BAMBI: variants seen among roughly 807,000 people sequenced by gnomAD.
BAMBI encodes the protein BMP and activin membrane bound inhibitor.
Under a neutral mutation model 24.1 loss-of-function variants are expected in BAMBI, and 21 were observed. That is an observed-to-expected ratio of 0.87 (90% CI 0.62 to 1.26). The LOEUF is 1.26. Among genes scored for constraint, BAMBI ranks in the 50% most tolerant of loss-of-function variants. The pLI is 0.00. For synonymous variants in BAMBI, 156 were observed against 123.1 expected, an observed-to-expected ratio of 1.27 and a Z score of -1.77; for missense variants, 388 against 329.1, an observed-to-expected ratio of 1.18 and a Z score of -1.38.
Position 28,677,992 on chromosome 10 carries a change from C to T in BAMBI, c.76+19C>T, listed in dbSNP as rs1834455349. 6.6e-6 allele frequency: 10 copies of T among 1,507,638 alleles called. No homozygotes were observed. The highest frequency in any genetic ancestry group is 1.2e-5 in the South Asian group (1 of 80,974). 93.4% of individuals were successfully genotyped at this position (1,507,638 alleles called of 1,614,324 possible). ...ACCAAAGGTGGGTGCCGGGGGCGCA[C>T]GGGGCCCGGGGTCCCGTCCTCGCCG... On this transcript the variant is annotated intron_variant, in intron 1 of 2. Coordinates refer to ENST00000375533, the MANE Select transcript of BAMBI (RefSeq NM_012342.3).
Position 28,677,956 on chromosome 10 carries a change from C to T in BAMBI, c.59C>T (p.Ala20Val), listed in dbSNP as rs747049822. The change falls in exon 1 of 3, where the codon GCC becomes GTC. Residue 20 changes from alanine to valine, a missense_variant. Coordinates refer to ENST00000375533, the MANE Select transcript of BAMBI (RefSeq NM_012342.3). ...CTGCAGCTGGAGCTCTGCGCCATGGCCGTGCTGCTCACCAAAGGTGGGTGC... is the reference window on the plus strand; with the variant it reads ...CTGCAGCTGGAGCTCTGCGCCATGGTCGTGCTGCTCACCAAAGGTGGGTGC... ...IWLQLELCAM[A>V]VLLTKGEIRC... The T allele has an allele frequency of 1.2e-5, 19 of 1,529,888 alleles. No homozygotes were observed. Among genetic ancestry groups the T allele is most frequent in the African/African-American group, 2.8e-5 (2 of 71,628 alleles). The allele number at this position is 1,529,888 out of a possible 1,614,324, so 94.8% of individuals were successfully genotyped here.
At chr10:28,679,575 A>G (rs1411695902) in intron 1 of BAMBI, among the ~76,000 whole-genome samples, 4 of 152,158 alleles carry the variant, frequency 2.6e-5, no homozygotes, top group Non-Finnish European at 5.9e-5. Flanking sequence ...ACCTGTCAAA[A>G]TTTTATTAGG....
chr10:28,679,584 G>C (rs1289328913), intron 1 of BAMBI, among the ~76,000 whole-genome samples: 1 of 151,972 alleles, frequency 6.6e-6, no homozygotes, highest in Non-Finnish European at 1.5e-5. Context: ...AATTTTATTA[G>C]GCTGTTTTTA....
chr10:28,678,063 G>A (rs1473439024), intron 1 of BAMBI, 90 bp downstream of exon 1: 1 of 1,211,568 alleles, frequency 8.3e-7, no homozygotes, highest in African/African-American at 1.6e-5. Flanking sequence ...CGGCAGGCGA[G>A]GCTCCCTCCT....
At chr10:28,680,751 AC>A (rs1834488867) in intron 1 of BAMBI, among the ~76,000 whole-genome samples, 1 of 152,224 alleles carries the variant, frequency 6.6e-6, no homozygotes, top group African/African-American at 2.4e-5. Flanking sequence ...AAACCTCCTG[AC>A]CTGGGCAGTT....
chr10:28,680,339 T>C (rs1237097297), intron 1 of BAMBI, among the ~76,000 whole-genome samples: 1 of 152,186 alleles, frequency 6.6e-6, no homozygotes, highest in South Asian at 2.1e-4. Context: ...CGACAAAATG[T>C]GAACGGAGCC....
chr10:28,680,862 C>T (rs910080657), intron 1 of BAMBI, among the ~76,000 whole-genome samples: 14 of 152,046 alleles, frequency 9.2e-5, no homozygotes, highest in African/African-American at 2.9e-4. Flanking sequence ...TTCAGTAGTT[C>T]CGATCAAATA....
At position 28,682,392 on chromosome 10, in the gene BAMBI, A is replaced by G; in HGVS notation, c.774A>G (p.Glu258=). 1 of 1,609,614 alleles carries G rather than the reference A, an allele frequency of 6.2e-7. No homozygotes were observed. Among genetic ancestry groups the G allele is most frequent in the Non-Finnish European group, 8.5e-7 (1 of 1,176,230 alleles). The change falls in exon 3 of 3, where the codon GAA becomes GAG. Residue 258 remains glutamate (E), a synonymous_variant. Coordinates refer to ENST00000375533, the MANE Select transcript of BAMBI (RefSeq NM_012342.3). ...WGMYSGHGKL[E]FV ...TGTACAGTGGGCACGGGAAGCTGGA[A>G]TTCGTATGACGGAGTCTTATCTGAA...
intron 1 of BAMBI, 53 bp from the exon 2 acceptor site, chr10:28,681,205 T>C: frequency 1.9e-6 from 3 of 1,564,164 alleles, no homozygotes; most frequent in Non-Finnish European, 2.6e-6. Flanking sequence ...CCTAAATAGT[T>C]GCTTTATCTG....
At chr10:28,681,614 A>G in intron 2 of BAMBI, 69 bp downstream of exon 2, 2 of 1,498,652 alleles carry the variant, frequency 1.3e-6, no homozygotes, top group South Asian at 1.2e-5. Flanking sequence ...ACGACTTTGT[A>G]TGTCTGCTAT....
At position 28,681,212 on chromosome 10, in the gene BAMBI, T is replaced by G. The variant is rs1237564730; in HGVS notation, c.77-46T>G. ...AGCAGTTGCCTAAATAGTTGCTTTATCTGGTCTCTGGAGCAGAGTTTGAGG... is the reference window on the plus strand; with the variant it reads ...AGCAGTTGCCTAAATAGTTGCTTTAGCTGGTCTCTGGAGCAGAGTTTGAGG... On this transcript the variant is annotated intron_variant, in intron 1 of 2. Coordinates refer to ENST00000375533, the MANE Select transcript of BAMBI (RefSeq NM_012342.3). 3.8e-6 allele frequency: 6 copies of G among 1,578,660 alleles called. No homozygotes were observed. In the East Asian group the frequency reaches 1.3e-4, roughly 35 times the overall value.
chr10:28,682,600 TAAAA>T lies in BAMBI; in HGVS notation c.*200_*203del. ...TACAGTTAAATGTGTTATTTGCTTTTAAAATTATAAAAAGCAAAGAGAAGACTTT... is the reference window on the plus strand; with the variant it reads ...TACAGTTAAATGTGTTATTTGCTTTTTTATAAAAAGCAAAGAGAAGACTTT... On this transcript the variant is annotated 3_prime_UTR_variant, in exon 3 of 3. Transcript: ENST00000375533. 1 of 433,088 alleles carries T rather than the reference TAAAA, an allele frequency of 2.3e-6. No individual in the cohort carries two copies. The highest frequency in any genetic ancestry group is 3.9e-6 in the Non-Finnish European group (1 of 256,126). 26.8% of individuals were successfully genotyped at this position (433,088 alleles called of 1,614,324 possible).
intron 1 of BAMBI, among the ~76,000 whole-genome samples, chr10:28,679,026 A>G (rs1397368021): frequency 6.6e-6 from 1 of 152,166 alleles, no homozygotes; most frequent in Non-Finnish European, 1.5e-5. Flanking sequence ...TTTAATTGCT[A>G]TGTAGCAGGC....
intron 1 of BAMBI, among the ~76,000 whole-genome samples, chr10:28,679,755 A>G (rs1834478583): frequency 6.6e-6 from 1 of 152,216 alleles, no homozygotes; most frequent in South Asian, 2.1e-4. Flanking sequence ...AACTAGGGAT[A>G]TGTAGTCATC....
Position 28,677,826 on chromosome 10 carries a change from C to CG in BAMBI, c.-67dup, listed in dbSNP as rs1834452562. On this transcript the variant is annotated 5_prime_UTR_variant, in exon 1 of 3. The change abolishes the stop of an existing upstream ORF in the 5' untranslated region. Coordinates refer to ENST00000375533, the MANE Select transcript of BAMBI (RefSeq NM_012342.3). Reference sequence around the variant, plus strand: ...GGCAGGGCCCATGCCCTGCGCGCTCCGGGGGTCGTAGGCTGCCGCCGAGCC... The same window carrying CG: ...GGCAGGGCCCATGCCCTGCGCGCTCCGGGGGGTCGTAGGCTGCCGCCGAGCC... The CG allele has an allele frequency of 1.5e-6, 2 of 1,305,988 alleles. No individual in the cohort carries two copies. The highest frequency in any genetic ancestry group is 1.6e-5 in the African/African-American group (1 of 64,354). The allele number at this position is 1,305,988 out of a possible 1,614,324, so 80.9% of individuals were successfully genotyped here. A position where few individuals can be genotyped will look rare whatever the true frequency, so the allele number is the denominator to read the frequency against.
At chr10:28,681,006 G>C (rs1834491357) in intron 1 of BAMBI, among the ~76,000 whole-genome samples, 1 of 152,104 alleles carries the variant, frequency 6.6e-6, no homozygotes, top group Non-Finnish European at 1.5e-5. Flanking sequence ...AAAAGCAAAA[G>C]TTTTTTTAAA....
At chr10:28,679,503 A>G (rs979355653) in intron 1 of BAMBI, among the ~76,000 whole-genome samples, 1 of 151,772 alleles carries the variant, frequency 6.6e-6, no homozygotes, top group African/African-American at 2.4e-5. Context: ...ACAAAAGTCC[A>G]TTCTCCTTGC....
Position 28,677,866 on chromosome 10 carries a change from C to G in BAMBI, c.-32C>G, listed in dbSNP as rs1016519211. 1.2e-5 allele frequency: 18 copies of G among 1,483,516 alleles called. No homozygotes were observed. Among genetic ancestry groups the G allele is most frequent in the Admixed American group, 2.2e-5 (1 of 46,096 alleles). The allele number at this position is 1,483,516 out of a possible 1,614,324, so 91.9% of individuals were successfully genotyped here. ...GCCGCCGAGCCGGGGCTCCGGAAGC[C>G]GGCGGGGGCGCCGCGGCCGTGCGGG... is the stretch of plus-strand genomic sequence containing the variant. On this transcript the variant is annotated 5_prime_UTR_variant, in exon 1 of 3. Coordinates refer to ENST00000375533, the MANE Select transcript of BAMBI (RefSeq NM_012342.3).
At position 28,682,007 on chromosome 10, in the gene BAMBI, A is replaced by T. The variant is rs1834502839; in HGVS notation, c.389A>T (p.Asp130Val). The T allele has an allele frequency of 6.2e-7, 1 of 1,613,602 alleles. No individual in the cohort carries two copies. ...ASGQGNRYQH[D>V]GSRNLITKVQ... Reference sequence around the variant, plus strand: ...GGACAAGGAAACAGGTATCAGCATGATGGTAGCAGAAACCTTATCACCAAG... The same window carrying T: ...GGACAAGGAAACAGGTATCAGCATGTTGGTAGCAGAAACCTTATCACCAAG... The change falls in exon 3 of 3, where the codon GAT becomes GTT. Residue 130 changes from aspartate to valine, a missense_variant. Coordinates refer to ENST00000375533, the MANE Select transcript of BAMBI (RefSeq NM_012342.3).
Sources: allele counts gnomAD v4.1 joint callset (sites outside exome capture counted in the v4.1 genomes callset), GRCh38; gene constraint gnomAD v4.1.1; transcripts MANE v1.5; gene names NCBI Gene and HGNC (gene_info 2026-07-23, HGNC 2026-07-21).